The following INPP5D variants were observed in gnomAD, a reference collection of about 807,000 sequenced individuals.
INPP5D encodes phosphatidylinositol 3,4,5-trisphosphate 5-phosphatase 1.
In INPP5D, 33 loss-of-function variants were observed where a neutral mutation model predicts 122.9. That is an observed-to-expected ratio of 0.27 (90% confidence interval 0.20 to 0.36). INPP5D has a LOEUF of 0.36. INPP5D is among the 10% of genes least tolerant of loss of function. The pLI is 1.00. For synonymous variants in INPP5D, 584 were observed against 576.2 expected (o/e 1.01, Z -0.19); for missense variants, 1,053 against 1,412.7 (o/e 0.75, Z 4.08).
At chr2:233,130,462 A>T in intron 4 of INPP5D, 46 bp from the exon 5 acceptor site, 3 of 1,599,338 alleles carry the variant, frequency 1.9e-6, no homozygotes, top group Non-Finnish European at 2.6e-6. Flanking sequence ...GATGGTGGCT[A>T]AAAGAAACAG....
At chr2:233,193,017 AGCTGTGATTACAGGCAT>A (rs1695093032) in intron 22 of INPP5D, among the ~76,000 whole-genome samples, 1 of 152,336 alleles carries the variant, frequency 6.6e-6, no homozygotes, top group East Asian at 1.9e-4. Context: ...CATCCTGAGT[AGCTGTGATTACAGGCAT>A]GCACCACCAC....
chr2:233,148,637 G>C (rs1693835787), intron 9 of INPP5D, among the ~76,000 whole-genome samples: 1 of 152,180 alleles, frequency 6.6e-6, no homozygotes, highest in South Asian at 2.1e-4. Flanking sequence ...CCAGAGGGCT[G>C]ACGAAAGCAT....
At chr2:233,120,908 T>C (rs991649737) in intron 2 of INPP5D, among the ~76,000 whole-genome samples, 10 of 151,166 alleles carry the variant, frequency 6.6e-5, no homozygotes, top group Non-Finnish European at 7.4e-5. Context: ...CTATAACAAA[T>C]GAAAAAAATA....
Position 233,204,711 on chromosome 2 carries a change from C to A in INPP5D, c.3561C>A (p.Ala1187=). ...EGPPGPLGRT[A]MQ The stretch of plus-strand genomic sequence containing the variant: ...CACCAGGGCCTCTAGGCAGGACTGC[C>A]ATGCAGGTGCGCTGCGCCACACGTG... The change falls in exon 26 of 27, where the codon GCC becomes GCA. Residue 1187 remains alanine (A), a synonymous_variant. Coordinates refer to ENST00000445964, the MANE Select transcript of INPP5D (RefSeq NM_001017915.3). The A allele has an allele frequency of 6.6e-7, 1 of 1,516,960 alleles. No homozygotes were observed. Among genetic ancestry groups the A allele is most frequent in the Non-Finnish European group, 8.8e-7 (1 of 1,135,698 alleles). 94.0% of individuals were successfully genotyped at this position (1,516,960 alleles called of 1,614,324 possible).
At chr2:233,202,066 C>G (rs988803546) in intron 25 of INPP5D, among the ~76,000 whole-genome samples, 7 of 151,668 alleles carry the variant, frequency 4.6e-5, no homozygotes, top group African/African-American at 1.7e-4. Flanking sequence ...CTCTATCTCA[C>G]TGCTCTTTTC....
rs571428998 is a variant in INPP5D, at chr2:233,197,612, A to G, written c.2694-483A>G. ...TTTGCATGTACTCTTGCCACTGCCG[A>G]GAACAGTCTCCCCTTCTTTCTCTCT... On this transcript the variant is annotated intron_variant, in intron 24 of 26. Transcript: ENST00000445964. This position sits in a 1 kb window ranked among gnomAD's most constrained non-coding sequence, Gnocchi z 4.4. Among the ~76,000 whole-genome samples, 158 of 152,272 alleles carry G rather than the reference A, an allele frequency of 1.0e-3. No individual in the cohort carries two copies. Among genetic ancestry groups the G allele is most frequent in the African/African-American group, 3.6e-3 (151 of 41,544 alleles).
In INPP5D at chr2:233,195,504, G is replaced by A. The variant is rs1291626850; in HGVS notation, c.2693+9G>A. On this transcript the variant is annotated intron_variant, in intron 24 of 26. Coordinates refer to ENST00000445964, the MANE Select transcript of INPP5D (RefSeq NM_001017915.3). Reference sequence around the variant, plus strand: ...TGGGAAGTCACTAGCAGGTAAAGTGGGCGTGGGGTGGGTGTTGGGGGGGGT... The same window carrying A: ...TGGGAAGTCACTAGCAGGTAAAGTGAGCGTGGGGTGGGTGTTGGGGGGGGT... 2 of 1,613,440 alleles carry A rather than the reference G, an allele frequency of 1.2e-6. No homozygotes were observed. The highest frequency in any genetic ancestry group is 1.7e-6 in the Non-Finnish European group (2 of 1,179,784).
chr2:233,204,096 G>A (rs1574809622), intron 25 of INPP5D, 30 bp from the exon 26 acceptor site: 1 of 1,478,838 alleles, frequency 6.8e-7, no homozygotes. Flanking sequence ...CCCTGGACAT[G>A]TGTCTTCCCT....
At chr2:233,080,017 C>A (rs1290652360) in intron 2 of INPP5D, among the ~76,000 whole-genome samples, 1 of 152,206 alleles carries the variant, frequency 6.6e-6, no homozygotes, top group Non-Finnish European at 1.5e-5. Context: ...GCAACCTCCA[C>A]CTCCCAGGTT....
chr2:233,170,772 G>A lies in INPP5D; in HGVS notation c.1900+168G>A, dbSNP rs1448237786. Among the ~76,000 whole-genome samples the A allele has an allele frequency of 6.6e-6, 1 of 151,946 alleles. No individual in the cohort carries two copies. Among genetic ancestry groups the A allele is most frequent in the African/African-American group, 2.4e-5 (1 of 41,380 alleles). ...ATACAAAAAATTAGCCGGGTGTGGT[G>A]GCGGGTGCCTGTAGTCCCAGCTACT... On this transcript the variant is annotated intron_variant, in intron 16 of 26. Coordinates refer to ENST00000445964, the MANE Select transcript of INPP5D (RefSeq NM_001017915.3). The surrounding 1 kb of genome is among the most constrained non-coding windows in gnomAD (Gnocchi z 4.5).
At chr2:233,119,075 A>G (rs1257014170) in intron 2 of INPP5D, among the ~76,000 whole-genome samples, 1 of 152,242 alleles carries the variant, frequency 6.6e-6, no homozygotes, top group African/African-American at 2.4e-5. Flanking sequence ...ACATAAGTCT[A>G]TAATCAATGT....
chr2:233,165,861 TGTGTGTGTGCCC>T (rs927503551), intron 13 of INPP5D, among the ~76,000 whole-genome samples: 1 of 151,974 alleles, frequency 6.6e-6, no homozygotes, highest in Non-Finnish European at 1.5e-5. Context: ...TGTGTGTGTG[TGTGTGTGTGCCC>T]GTGTGTGCAC....
intron 2 of INPP5D, among the ~76,000 whole-genome samples, chr2:233,103,831 C>T (rs1409279756): frequency 6.7e-6 from 1 of 149,986 alleles, no homozygotes; most frequent in Non-Finnish European, 1.5e-5. Flanking sequence ...CTCAGCCTCC[C>T]GAGTAGCTGG....
chr2:233,137,374 T>A (rs1693492769), intron 5 of INPP5D, among the ~76,000 whole-genome samples: 1 of 151,968 alleles, frequency 6.6e-6, no homozygotes, highest in African/African-American at 2.4e-5. Context: ...AATAGAAGGA[T>A]ACTTCCTTAA....
rs1289726586 is a variant in INPP5D, at chr2:233,078,019, C to A, written c.135-1316C>A. ...GTCCTGTCTACAGGGCTCTACGGGC[C>A]AGGTGAGCCTTCCGGGCTCAGGAGA... On this transcript the variant is annotated intron_variant, in intron 1 of 26. Transcript: ENST00000445964. This position sits in a 1 kb window ranked among gnomAD's most constrained non-coding sequence, Gnocchi z 4.6. Among the ~76,000 whole-genome samples, 2 of 152,156 alleles carry A rather than the reference C, an allele frequency of 1.3e-5. No homozygotes were observed. Among genetic ancestry groups the A allele is most frequent in the African/African-American group, 4.8e-5 (2 of 41,424 alleles).
chr2:233,174,332 C>T (rs372784046), intron 17 of INPP5D, among the ~76,000 whole-genome samples: 4 of 152,338 alleles, frequency 2.6e-5, no homozygotes, highest in South Asian at 4.1e-4. Flanking sequence ...TGCGCTGTGA[C>T]GTGATGACAG....
chr2:233,079,809 C>T (rs372320184), intron 2 of INPP5D, among the ~76,000 whole-genome samples: 32 of 152,306 alleles, frequency 2.1e-4, no homozygotes, highest in South Asian at 8.3e-4. Flanking sequence ...TGAGGGGCTG[C>T]GAGACTAGCA....
chr2:233,080,277 G>A (rs13017117), intron 2 of INPP5D, among the ~76,000 whole-genome samples: 3,037 of 152,246 alleles, frequency 0.02, 51 homozygotes, highest in Middle Eastern at 0.065. Flanking sequence ...CCAAGCCCGG[G>A]AAGGCCACCC....
In INPP5D at chr2:233,128,862, G is replaced by C. The variant is rs981390632; in HGVS notation, c.525-1646G>C. Reference sequence around the variant, plus strand: ...GCCTTGTGGCCTTTAGTTTCAATTTGATTACATATCAAGCCTGGAATAAAA... The same window carrying C: ...GCCTTGTGGCCTTTAGTTTCAATTTCATTACATATCAAGCCTGGAATAAAA... On this transcript the variant is annotated intron_variant, in intron 4 of 26. Transcript: ENST00000445964. This position sits in a 1 kb window ranked among gnomAD's most constrained non-coding sequence, Gnocchi z 4.5. Among the ~76,000 whole-genome samples the C allele has an allele frequency of 2.5e-4, 38 of 152,140 alleles. No individual in the cohort carries two copies. Among genetic ancestry groups the C allele is most frequent in the African/African-American group, 9.2e-4 (38 of 41,424 alleles).
Sources: allele counts gnomAD v4.1 joint callset (sites outside exome capture counted in the v4.1 genomes callset), GRCh38; gene constraint gnomAD v4.1.1; non-coding constraint Gnocchi (gnomAD v3.1); transcripts MANE v1.5; gene names NCBI Gene and HGNC (gene_info 2026-07-23, HGNC 2026-07-21).